KCNMA1: variants seen among roughly 807,000 people sequenced by gnomAD.
KCNMA1 encodes the protein Calcium-activated potassium channel subunit alpha-1.
In KCNMA1, 29 loss-of-function variants were observed where a neutral mutation model predicts 140.0. The observed-to-expected ratio is 0.21, with a 90% CI of 0.15 to 0.28. The LOEUF (loss-of-function observed/expected upper bound fraction) is 0.28, where lower values mean the gene tolerates loss of function less well. Ranked by LOEUF, KCNMA1 falls within the 10% of genes least tolerant of loss-of-function variation. KCNMA1 has a pLI of 1.00. For synonymous variants in KCNMA1, 612 were observed against 611.9 expected, an observed-to-expected ratio of 1.00 and a Z score of 0.00; for missense variants, 880 against 1,602.2, an observed-to-expected ratio of 0.55 and a Z score of 7.70.
At chr10:76,988,739 G>A (rs539788128) in intron 19 of KCNMA1, among the ~76,000 whole-genome samples, 1 of 152,232 alleles carries the variant, frequency 6.6e-6, no homozygotes, top group Non-Finnish European at 1.5e-5. Flanking sequence ...CCATAAAGAA[G>A]GGGTTTCAGG....
intron 3 of KCNMA1, among the ~76,000 whole-genome samples, chr10:77,221,371 C>T (rs565609155): frequency 3.9e-5 from 6 of 152,196 alleles, no homozygotes; most frequent in South Asian, 2.1e-4. Flanking sequence ...TCCATAGATG[C>T]GCTTCAGGGA....
intron 20 of KCNMA1, among the ~76,000 whole-genome samples, chr10:76,958,366 C>G (rs1340690799): frequency 6.6e-6 from 1 of 152,118 alleles, no homozygotes; most frequent in Non-Finnish European, 1.5e-5. Context: ...TAAAAGGCAC[C>G]ATAATTAATT....
chr10:77,035,202 G>T (rs924270569), intron 15 of KCNMA1, among the ~76,000 whole-genome samples: 1 of 152,172 alleles, frequency 6.6e-6, no homozygotes, highest in African/African-American at 2.4e-5. Context: ...GCTCCCTATG[G>T]TACCAGGTGG....
intron 1 of KCNMA1, chr10:77,636,959 G>T: frequency 7.1e-7 from 1 of 1,412,692 alleles, no homozygotes; most frequent in Non-Finnish European, 9.2e-7. Context: ...CACGGCACCC[G>T]AGCCTGTGAG....
At chr10:77,398,784 C>T (rs1448672843) in intron 2 of KCNMA1, among the ~76,000 whole-genome samples, 2 of 152,186 alleles carry the variant, frequency 1.3e-5, no homozygotes, top group Non-Finnish European at 2.9e-5. Flanking sequence ...AAAAACTTAC[C>T]AACCCTGAAT....
At position 77,039,536 on chromosome 10, in the gene KCNMA1, A is replaced by G; in HGVS notation, c.1851T>C (p.Thr617=). ...SSAFVGLSFP[T]VCELCFVKLK... is the part of the protein sequence containing the mutation. ...AGTTAAAGGTCACTTACTCACAAAC[A>G]GTAGGGAAGGACAGACCCACGAAGG... The change falls in exon 15 of 28, where the codon ACT becomes ACC. Residue 617 remains threonine, a synonymous_variant. Transcript: ENST00000286628. 6.3e-7 allele frequency: 1 copy of G among 1,589,438 alleles called. No individual in the cohort carries two copies. Among genetic ancestry groups the G allele is most frequent in the Non-Finnish European group, 8.6e-7 (1 of 1,157,348 alleles).
intron 10 of KCNMA1, among the ~76,000 whole-genome samples, chr10:77,089,863 T>A (rs751978333): frequency 1.1e-4 from 17 of 152,204 alleles, no homozygotes; most frequent in Non-Finnish European, 1.5e-4. Flanking sequence ...TATGTATTTT[T>A]ACTCTGTTTG....
chr10:77,110,440 G>A (rs1271107244), intron 7 of KCNMA1, 97 bp from the exon 8 acceptor site: 20 of 998,734 alleles, frequency 2.0e-5, no homozygotes, highest in Non-Finnish European at 3.2e-5. Flanking sequence ...AAGGCCACTT[G>A]CTACTGCACA....
intron 2 of KCNMA1, among the ~76,000 whole-genome samples, chr10:77,371,107 C>A (rs1385491573): frequency 6.6e-6 from 1 of 152,178 alleles, no homozygotes; most frequent in Admixed American, 6.5e-5. Flanking sequence ...TTAAAGACAG[C>A]CAGGAAAACA....
intron 2 of KCNMA1, among the ~76,000 whole-genome samples, chr10:77,367,253 C>T (rs1318932748): frequency 2.0e-5 from 3 of 152,144 alleles, no homozygotes; most frequent in African/African-American, 7.2e-5. Flanking sequence ...ATATACACTG[C>T]TGTAGGGTAT....
intron 25 of KCNMA1, among the ~76,000 whole-genome samples, chr10:76,899,065 A>G (rs946345612): frequency 2.0e-5 from 3 of 152,124 alleles, no homozygotes; most frequent in Non-Finnish European, 2.9e-5. Flanking sequence ...TTTAATACCA[A>G]TCACTGGACG....
chr10:77,167,327 C>G (rs757676524), intron 5 of KCNMA1, among the ~76,000 whole-genome samples: 1 of 152,200 alleles, frequency 6.6e-6, no homozygotes. Context: ...CATGGAACAG[C>G]CTTCCTTTGA....
chr10:76,936,907 T>C (rs1239918200), intron 23 of KCNMA1, among the ~76,000 whole-genome samples: 1 of 152,294 alleles, frequency 6.6e-6, no homozygotes, highest in East Asian at 1.9e-4. Flanking sequence ...ATGCTTCCAC[T>C]AAAAGACTCA....
At chr10:77,258,140 G>C (rs2061203133) in intron 2 of KCNMA1, among the ~76,000 whole-genome samples, 1 of 152,208 alleles carries the variant, frequency 6.6e-6, no homozygotes, top group African/African-American at 2.4e-5. Context: ...AGATGATTAT[G>C]AGATGGGACC....
At chr10:77,617,798 C>A (rs1199152092) in intron 1 of KCNMA1, among the ~76,000 whole-genome samples, 1 of 152,182 alleles carries the variant, frequency 6.6e-6, no homozygotes, top group Non-Finnish European at 1.5e-5. Context: ...TGACACCTAG[C>A]AAATACCCAG....
intron 16 of KCNMA1, among the ~76,000 whole-genome samples, chr10:77,027,272 T>TA (rs2153523810): frequency 6.6e-6 from 1 of 152,208 alleles, no homozygotes; most frequent in African/African-American, 2.4e-5. Context: ...AATAAATAAA[T>TA]AAAGAGAGCT....
At chr10:77,277,107 T>C in intron 2 of KCNMA1, among the ~76,000 whole-genome samples, 1 of 152,264 alleles carries the variant, frequency 6.6e-6, no homozygotes, top group Middle Eastern at 3.4e-3. Flanking sequence ...GCTCAGCAAG[T>C]GGTCGTTGCC....
intron 16 of KCNMA1, 183 bp from the exon 17 acceptor site, chr10:77,019,282 A>G: frequency 1.7e-6 from 1 of 603,998 alleles, no homozygotes. Context: ...TAATGCCATC[A>G]TTAAGCACTA....
chr10:77,120,276 C>T (rs1021546106), intron 6 of KCNMA1, among the ~76,000 whole-genome samples: 1 of 152,158 alleles, frequency 6.6e-6, no homozygotes, highest in African/African-American at 2.4e-5. Flanking sequence ...GCCAGCTCTG[C>T]AAGCCGGCAG....
Sources: gnomAD v4.1 joint callset for allele counts (sites outside exome capture counted in the v4.1 genomes callset) on GRCh38, gnomAD v4.1.1 for gene constraint, MANE v1.5 for transcripts, NCBI Gene and HGNC (gene_info 2026-07-23, HGNC 2026-07-21) for gene names.